The following PINX1 variants were observed in gnomAD, a reference collection of about 807,000 sequenced individuals.
PINX1 encodes PIN2 (TERF1) interacting telomerase inhibitor 1, also known as PIN2/TERF1-interacting telomerase inhibitor 1.
PINX1 carries 34 observed loss-of-function variants against 25.4 expected under a neutral mutation model. The observed-to-expected ratio is 1.34, with a 90% confidence interval of 1.02 to 1.78. The LOEUF (loss-of-function observed/expected upper bound fraction) is 1.78, where lower values mean the gene tolerates loss of function less well. Ranked by LOEUF, PINX1 falls within the 40% of genes most tolerant of loss-of-function variation. The pLI is 0.00. For missense variants in PINX1, 592 were observed against 404.9 expected, an observed-to-expected ratio of 1.46 and a Z score of -3.97; for synonymous variants, 197 against 147.7, an observed-to-expected ratio of 1.33 and a Z score of -2.42.
intron 5 of PINX1, among the ~76,000 whole-genome samples, chr8:10,822,982 A>C (rs1797923197): frequency 6.6e-6 from 1 of 152,256 alleles, no homozygotes. Context: ...GCAAACACAC[A>C]GAACTGGCAG....
chr8:10,829,225 G>C (rs1798148851), intron 4 of PINX1, among the ~76,000 whole-genome samples: 1 of 146,592 alleles, frequency 6.8e-6, no homozygotes, highest in Non-Finnish European at 1.5e-5. Flanking sequence ...GGCGGAGGTT[G>C]CGGTAAGCCA....
At chr8:10,822,382 G>A (rs149524695) in intron 5 of PINX1, among the ~76,000 whole-genome samples, 8 of 152,202 alleles carry the variant, frequency 5.3e-5, no homozygotes, top group Admixed American at 1.3e-4. Flanking sequence ...TAAACTTAGA[G>A]AAAACGACAA....
intron 6 of PINX1, among the ~76,000 whole-genome samples, chr8:10,813,813 G>A (rs1196082155): frequency 6.6e-6 from 1 of 151,662 alleles, no homozygotes; most frequent in Non-Finnish European, 1.5e-5. Context: ...TCCTCACTCT[G>A]GTTTCGGAGT....
chr8:10,781,975 G>C (rs1415737441), intron 6 of PINX1, among the ~76,000 whole-genome samples: 2 of 152,158 alleles, frequency 1.3e-5, no homozygotes, highest in East Asian at 3.8e-4. Context: ...ACTGTGGTGT[G>C]TATGTATGTA....
At chr8:10,790,437 A>C (rs909244579) in intron 6 of PINX1, among the ~76,000 whole-genome samples, 1 of 152,132 alleles carries the variant, frequency 6.6e-6, no homozygotes, top group African/African-American at 2.4e-5. Flanking sequence ...GGAGGAAGCA[A>C]GGGTGAGCCA....
At chr8:10,775,432 T>TTTTTTTTTTTTTTTTTTG (rs1801362422) in intron 6 of PINX1, among the ~76,000 whole-genome samples, 1 of 148,120 alleles carries the variant, frequency 6.8e-6, no homozygotes, top group African/African-American at 2.5e-5. Context: ...TTTTTTTTTT[T>TTTTTTTTTTTTTTTTTTG]TTTTTTTTGC....
intron 6 of PINX1, among the ~76,000 whole-genome samples, chr8:10,808,943 T>C (rs1802540014): frequency 6.6e-6 from 1 of 152,216 alleles, no homozygotes; most frequent in Non-Finnish European, 1.5e-5. Context: ...AGTTAAAAAA[T>C]GACTAAGTTT....
intron 6 of PINX1, among the ~76,000 whole-genome samples, chr8:10,809,971 G>C (rs1031893099): frequency 1.3e-5 from 2 of 152,202 alleles, no homozygotes; most frequent in African/African-American, 4.8e-5. Context: ...GTGAGGCCTT[G>C]GGAAGCTTCC....
intron 5 of PINX1, among the ~76,000 whole-genome samples, chr8:10,823,933 C>A (rs183875511): frequency 3.3e-5 from 5 of 152,344 alleles, no homozygotes; most frequent in African/African-American, 7.2e-5. Context: ...AATCTTCACT[C>A]TTCCCAAGCT....
At chr8:10,837,117 C>T (rs1798428909) in intron 1 of PINX1, among the ~76,000 whole-genome samples, 1 of 152,220 alleles carries the variant, frequency 6.6e-6, no homozygotes, top group Admixed American at 6.5e-5. Flanking sequence ...GTAAGAGTGG[C>T]TCATTGTGCC....
intron 6 of PINX1, among the ~76,000 whole-genome samples, chr8:10,799,632 C>A (rs1455524125): frequency 6.6e-6 from 1 of 152,178 alleles, no homozygotes; most frequent in Non-Finnish European, 1.5e-5. Flanking sequence ...CATTGGTGAC[C>A]ACTCCACAGC....
Position 10,766,046 on chromosome 8 carries a change from C to T in PINX1, c.472-130G>A, listed in dbSNP as rs1428380253. 112 of 832,874 alleles carry T rather than the reference C, an allele frequency of 1.3e-4. 1 individual carries two copies. The highest frequency in any genetic ancestry group is 9.6e-6 in the Non-Finnish European group (5 of 521,776). The allele number at this position is 832,874 out of a possible 1,614,324, so 51.6% of individuals were successfully genotyped here. A position where few individuals can be genotyped will look rare whatever the true frequency, so the allele number is the denominator to read the frequency against. ...CGGCGCTCACACCCGGCACCCACAC[C>T]CGGCACTTAGGAGACAAGGCTGAGT... On this transcript the variant is annotated intron_variant, in intron 6 of 6. Transcript: ENST00000314787.
intron 6 of PINX1, among the ~76,000 whole-genome samples, chr8:10,805,900 GTGACA>G (rs1159260444): frequency 2.9e-4 from 30 of 103,308 alleles, no homozygotes; most frequent in African/African-American, 6.4e-4. Flanking sequence ...TGCTGAGGGG[GTGACA>G]GAGCACAGGA....
intron 6 of PINX1, among the ~76,000 whole-genome samples, chr8:10,780,664 A>C (rs965737901): frequency 3.9e-5 from 6 of 152,190 alleles, no homozygotes; most frequent in Non-Finnish European, 8.8e-5. Flanking sequence ...CATAGGAGGT[A>C]AAAGACCTGT....
At chr8:10,826,413 T>C (rs1387158570) in intron 4 of PINX1, among the ~76,000 whole-genome samples, 169 bp from the exon 5 acceptor site, 1 of 152,248 alleles carries the variant, frequency 6.6e-6, no homozygotes, top group Non-Finnish European at 1.5e-5. Context: ...CTCTGTTTTC[T>C]TTCTAGGAGT....
chr8:10,766,938 G>A (rs1801069319), intron 6 of PINX1, among the ~76,000 whole-genome samples: 1 of 152,106 alleles, frequency 6.6e-6, no homozygotes, highest in Non-Finnish European at 1.5e-5. Flanking sequence ...AAGTGCTTTC[G>A]GGTTGAAGAC....
At chr8:10,787,926 A>T (rs1235522641) in intron 6 of PINX1, 1 of 389,588 alleles carries the variant, frequency 2.6e-6, no homozygotes, top group East Asian at 7.4e-5. Context: ...TTAGATTCAA[A>T]TACATATTCA....
chr8:10,794,162 A>T (rs2129077518), intron 6 of PINX1, among the ~76,000 whole-genome samples: 1 of 152,366 alleles, frequency 6.6e-6, no homozygotes, highest in East Asian at 1.9e-4. Context: ...AGTGGCAGTG[A>T]AGGGGTATTT....
chr8:10,766,817 G>A (rs1801064752), intron 6 of PINX1, among the ~76,000 whole-genome samples: 1 of 152,232 alleles, frequency 6.6e-6, no homozygotes, highest in African/African-American at 2.4e-5. Flanking sequence ...TAAAGCTTGA[G>A]AAGCGAGAGA....
Sources: gnomAD v4.1 joint callset for allele counts (sites outside exome capture counted in the v4.1 genomes callset) on GRCh38, gnomAD v4.1.1 for gene constraint, MANE v1.5 for transcripts, NCBI Gene and HGNC (gene_info 2026-07-23, HGNC 2026-07-21) for gene names.